KSR2: variants seen among roughly 807,000 people sequenced by gnomAD.
KSR2 encodes the protein kinase suppressor of ras 2.
A neutral mutation model predicts 107.8 loss-of-function variants in KSR2; 25 were observed. The observed-to-expected ratio is 0.23, with a 90% confidence interval of 0.17 to 0.32. The LOEUF is 0.32. Ranked by LOEUF, KSR2 falls within the 10% of genes least tolerant of loss-of-function variation. The pLI is 1.00. For synonymous variants in KSR2, 480 were observed against 507.0 expected, an observed-to-expected ratio of 0.95 and a Z score of 0.71; for missense variants, 887 against 1,268.9, an observed-to-expected ratio of 0.70 and a Z score of 4.57.
intron 4 of KSR2, among the ~76,000 whole-genome samples, chr12:117,742,289 G>A (rs1888246696): frequency 6.6e-6 from 1 of 152,186 alleles, no homozygotes; most frequent in African/African-American, 2.4e-5. Flanking sequence ...GGGTGTTATT[G>A]GGACAACTGA....
At position 117,525,870 on chromosome 12, in the gene KSR2, A is replaced by G. The variant is rs137970575; in HGVS notation, c.1852-651T>C. On this transcript the variant is annotated intron_variant, in intron 13 of 19. Coordinates refer to ENST00000339824, the MANE Select transcript of KSR2 (RefSeq NM_173598.6). Reference sequence around the variant, plus strand: ...AGGCTCCTACAGCAGCTGGGAGGGTAGGAGACATGAGAGTGAGGGGTTAAC... The same window carrying G: ...AGGCTCCTACAGCAGCTGGGAGGGTGGGAGACATGAGAGTGAGGGGTTAAC... 6.6e-5 allele frequency among the ~76,000 whole-genome samples: 10 copies of G among 152,302 alleles called. No individual in the cohort carries two copies. The East Asian group carries it at 1.7e-3, about 26-fold the overall frequency.
At chr12:117,581,716 G>A (rs1029040467) in intron 6 of KSR2, among the ~76,000 whole-genome samples, 3 of 152,192 alleles carry the variant, frequency 2.0e-5, no homozygotes, top group Middle Eastern at 3.2e-3. Context: ...AAAAGGGCAG[G>A]TATAGCCCTG....
In KSR2 at chr12:117,820,119, C is replaced by CA. The variant is rs1386203266; in HGVS notation, c.472+35308dup. On this transcript the variant is annotated intron_variant, in intron 3 of 19. Coordinates refer to ENST00000339824, the MANE Select transcript of KSR2 (RefSeq NM_173598.6). ...TCACAAACAAAAACCATTTTAATAT[C>CA]AAAAAGAGAAATGTTACTTTAAAAC... Among the ~76,000 whole-genome samples the CA allele has an allele frequency of 2.6e-5, 4 of 152,098 alleles. No individual in the cohort carries two copies. The East Asian group carries it at 5.8e-4, about 22-fold the overall frequency.
chr12:117,727,639 A>C (rs1049484660), intron 4 of KSR2, among the ~76,000 whole-genome samples: 4 of 152,158 alleles, frequency 2.6e-5, no homozygotes, highest in African/African-American at 7.2e-5. Flanking sequence ...GCCAGGAGCC[A>C]TCAGAAGCTG....
chr12:117,826,154 A>AATGT (rs1416904555), intron 3 of KSR2, among the ~76,000 whole-genome samples: 1 of 151,970 alleles, frequency 6.6e-6, no homozygotes, highest in Non-Finnish European at 1.5e-5. Context: ...AGAATGAATG[A>AATGT]ATGAATGAAT....
chr12:117,939,593 T>G (rs957863094), intron 1 of KSR2, among the ~76,000 whole-genome samples: 1 of 152,012 alleles, frequency 6.6e-6, no homozygotes, highest in Non-Finnish European at 1.5e-5. Flanking sequence ...ACGCCTGTAA[T>G]CTCACCTACT....
At chr12:117,544,028 C>T (rs79682370) in intron 9 of KSR2, among the ~76,000 whole-genome samples, 5,050 of 152,258 alleles carry the variant, frequency 0.033, 270 homozygotes, top group African/African-American at 0.11. Flanking sequence ...TTCCAGTATA[C>T]CCTCATCTAA....
chr12:117,702,552 C>T (rs1886371085), intron 4 of KSR2, among the ~76,000 whole-genome samples: 1 of 152,226 alleles, frequency 6.6e-6, no homozygotes, highest in Non-Finnish European at 1.5e-5. Context: ...GTGGTTTAGC[C>T]TGATTCATCT....
intron 16 of KSR2, among the ~76,000 whole-genome samples, chr12:117,482,704 C>T (rs954706544): frequency 7.2e-5 from 11 of 152,192 alleles, no homozygotes; most frequent in African/African-American, 2.7e-4. Context: ...TTCCTCTTCT[C>T]CTTGTGGCTT....
At chr12:117,912,386 C>T (rs141712667) in intron 1 of KSR2, among the ~76,000 whole-genome samples, 84 of 152,218 alleles carry the variant, frequency 5.5e-4, no homozygotes, top group African/African-American at 1.8e-3. Context: ...CTGGGAGACA[C>T]AAAAAATGTA....
chr12:117,888,761 A>G (rs1388763392), intron 1 of KSR2, among the ~76,000 whole-genome samples: 1 of 152,158 alleles, frequency 6.6e-6, no homozygotes, highest in East Asian at 1.9e-4. Flanking sequence ...TTTTCTATAT[A>G]TGGGAAAATA....
chr12:117,633,900 G>C (rs1387364918), intron 5 of KSR2, among the ~76,000 whole-genome samples: 3 of 152,196 alleles, frequency 2.0e-5, no homozygotes, highest in Non-Finnish European at 4.4e-5. Flanking sequence ...CCAGTGTGGG[G>C]TGATGCTGTC....
intron 1 of KSR2, among the ~76,000 whole-genome samples, chr12:117,908,484 T>C (rs1894919910): frequency 6.6e-6 from 1 of 152,226 alleles, no homozygotes. Flanking sequence ...CCCTTTCTAC[T>C]ATCCGGAGAA....
At chr12:117,669,255 A>G (rs888198725) in intron 4 of KSR2, among the ~76,000 whole-genome samples, 8 of 152,242 alleles carry the variant, frequency 5.3e-5, no homozygotes, top group African/African-American at 1.9e-4. Context: ...ACAATTAATT[A>G]ATAGCAATGT....
At chr12:117,622,166 C>G (rs1882235545) in intron 5 of KSR2, among the ~76,000 whole-genome samples, 1 of 152,058 alleles carries the variant, frequency 6.6e-6, no homozygotes, top group Non-Finnish European at 1.5e-5. Context: ...TTAGGCATAT[C>G]TCTACATCTC....
chr12:117,541,643 A>T (rs1012750620), intron 9 of KSR2, among the ~76,000 whole-genome samples: 2 of 152,074 alleles, frequency 1.3e-5, no homozygotes, highest in African/African-American at 4.8e-5. Context: ...GTACCCAAAG[A>T]TGGTATAGTG....
At position 117,645,549 on chromosome 12, in the gene KSR2, T is replaced by C. The variant is rs1484669581; in HGVS notation, c.1171+21925A>G. On this transcript the variant is annotated intron_variant, in intron 5 of 19. Coordinates refer to ENST00000339824, the MANE Select transcript of KSR2 (RefSeq NM_173598.6). ...CCCCTGAATCCCAACTTCAACCACA[T>C]ACCTGCTAGCAGAATTGAGTTTACA... 2.6e-5 allele frequency among the ~76,000 whole-genome samples: 4 copies of C among 152,176 alleles called. No homozygotes were observed. The East Asian group carries it at 5.8e-4, about 22-fold the overall frequency.
Position 117,860,184 on chromosome 12 carries a change from T to C in KSR2, c.321+107A>G, listed in dbSNP as rs958978159. Reference sequence around the variant, plus strand: ...ACATATTTATTGAGAGCCTGCTATGTGCCAGGGACTGTGCTGGGCACAGCC... The same window carrying C: ...ACATATTTATTGAGAGCCTGCTATGCGCCAGGGACTGTGCTGGGCACAGCC... On this transcript the variant is annotated intron_variant, in intron 2 of 19. Coordinates refer to ENST00000339824, the MANE Select transcript of KSR2 (RefSeq NM_173598.6). The C allele has an allele frequency of 4.4e-6, 5 of 1,144,842 alleles. No homozygotes were observed. In the African/African-American group the frequency reaches 6.1e-5, roughly 14 times the overall value. The allele number at this position is 1,144,842 out of a possible 1,614,324, so 70.9% of individuals were successfully genotyped here. A position where few individuals can be genotyped will look rare whatever the true frequency, so the allele number is the denominator to read the frequency against.
chr12:117,496,516 T>C (rs1873036353), intron 14 of KSR2, among the ~76,000 whole-genome samples: 1 of 152,216 alleles, frequency 6.6e-6, no homozygotes, highest in African/African-American at 2.4e-5. Flanking sequence ...TTTATATGAA[T>C]CTGCCAGATC....
Sources: gnomAD v4.1 joint callset for allele counts (sites outside exome capture counted in the v4.1 genomes callset) on GRCh38, gnomAD v4.1.1 for gene constraint, MANE v1.5 for transcripts, NCBI Gene and HGNC (gene_info 2026-07-23, HGNC 2026-07-21) for gene names.